RIC1: variants seen among roughly 807,000 people sequenced by gnomAD.
RIC1 encodes the protein guanine nucleotide exchange factor subunit RIC1.
In RIC1, 88 loss-of-function variants were observed where a neutral mutation model predicts 169.0. The observed-to-expected ratio is 0.52, with a 90% CI of 0.44 to 0.62. The LOEUF (loss-of-function observed/expected upper bound fraction) is 0.62. RIC1 is among the 20% of genes least tolerant of loss of function. RIC1 has a pLI of 0.00. For synonymous variants in RIC1, 790 were observed against 601.5 expected, an observed-to-expected ratio of 1.31 and a Z score of -4.59; for missense variants, 1,877 against 1,725.5, an observed-to-expected ratio of 1.09 and a Z score of -1.56.
chr9:5,731,570 A>G (rs1331375007), intron 6 of RIC1, among the ~76,000 whole-genome samples: 2 of 152,178 alleles, frequency 1.3e-5, no homozygotes, highest in Admixed American at 6.5e-5. Flanking sequence ...ACTAATGATT[A>G]TGACCTTTGC....
intron 4 of RIC1, among the ~76,000 whole-genome samples, chr9:5,719,839 T>G (rs1008658296): frequency 9.2e-5 from 14 of 152,190 alleles, no homozygotes; most frequent in African/African-American, 3.4e-4. Context: ...GTCATACTGT[T>G]ATTAGTTGGG....
chr9:5,746,152 A>T (rs550517588), intron 11 of RIC1, 69 bp downstream of exon 11: 1 of 1,239,542 alleles, frequency 8.1e-7, no homozygotes, highest in Admixed American at 1.8e-5. Context: ...TCTTTATGAC[A>T]TATGTATGGC....
chr9:5,690,111 G>T, intron 3 of RIC1, 73 bp downstream of exon 3: 1 of 1,068,882 alleles, frequency 9.4e-7, no homozygotes, highest in South Asian at 1.6e-5. Context: ...TTACAGTTTT[G>T]AGTTGTCTGT....
chr9:5,766,302 A>G (rs573145949), intron 21 of RIC1, among the ~76,000 whole-genome samples: 5 of 152,228 alleles, frequency 3.3e-5, no homozygotes, highest in Admixed American at 2.0e-4. Context: ...CTGCTTCCCA[A>G]AGGGCCGGGA....
intron 2 of RIC1, among the ~76,000 whole-genome samples, chr9:5,673,187 A>G (rs1024563040): frequency 6.6e-6 from 1 of 152,116 alleles, no homozygotes. Flanking sequence ...TATTATCTGT[A>G]TTAATATTCA....
chr9:5,715,362 A>G (rs755545402), intron 4 of RIC1, among the ~76,000 whole-genome samples: 1 of 152,166 alleles, frequency 6.6e-6, no homozygotes, highest in Non-Finnish European at 1.5e-5. Flanking sequence ...AAAAAAAACA[A>G]TTCTGCCATC....
chr9:5,770,612 G>C (rs1033438707), intron 23 of RIC1, among the ~76,000 whole-genome samples: 3 of 152,136 alleles, frequency 2.0e-5, no homozygotes, highest in African/African-American at 7.2e-5. Flanking sequence ...ATCATAATTA[G>C]ATGTGGATCA....
rs559060046 is a variant in RIC1, at chr9:5,663,088, C to A, written c.252+6398C>A. On this transcript the variant is annotated intron_variant, in intron 2 of 25. Coordinates refer to ENST00000414202, the MANE Select transcript of RIC1 (RefSeq NM_020829.4). ...ATTTCTGCCTTAATTTCATTATTTA[C>A]TCAAGTCACTCAGGAGCAGGCTGTT... is the stretch of plus-strand genomic sequence containing the variant. 5.9e-5 allele frequency among the ~76,000 whole-genome samples: 9 copies of A among 152,264 alleles called. No homozygotes were observed. The East Asian group carries it at 1.5e-3, about 26-fold the overall frequency.
chr9:5,681,326 G>A (rs1820823190), intron 2 of RIC1, among the ~76,000 whole-genome samples: 1 of 152,108 alleles, frequency 6.6e-6, no homozygotes, highest in Admixed American at 6.6e-5. Context: ...TCTACGCACT[G>A]CTTTGAATGT....
At chr9:5,737,689 C>T (rs1394793298) in intron 7 of RIC1, among the ~76,000 whole-genome samples, 1 of 151,738 alleles carries the variant, frequency 6.6e-6, no homozygotes, top group African/African-American at 2.4e-5. Flanking sequence ...GAAAAATTTA[C>T]ATATAACTTT....
intron 12 of RIC1, 134 bp downstream of exon 12, chr9:5,747,639 T>A: frequency 1.3e-6 from 1 of 755,122 alleles, no homozygotes; most frequent in Non-Finnish European, 2.2e-6. Flanking sequence ...GTCCCTCTTC[T>A]GCTTTTCTGT....
At chr9:5,753,444 T>C (rs1183542506) in intron 13 of RIC1, 92 bp from the exon 14 acceptor site, 35 of 851,602 alleles carry the variant, frequency 4.1e-5, no homozygotes, top group Non-Finnish European at 6.1e-5. Context: ...CATTTATTAA[T>C]TGTCTGTTTG....
In RIC1 at chr9:5,757,417, C is replaced by G; in HGVS notation, c.1958C>G (p.Thr653Arg). Residue 653 changes from threonine to arginine, a missense_variant, in exon 17 of 26, where the codon ACA (threonine) becomes AGA (arginine). Coordinates refer to ENST00000414202, the MANE Select transcript of RIC1 (RefSeq NM_020829.4). ...TCTGTCACTCTGACATCAGTGAGTA[C>G]AGAGAATGGAATCACCTTGAAAATG... ...VVSVTLTSVS[T>R]ENGITLKMPQ... The G allele has an allele frequency of 1.2e-6, 2 of 1,614,010 alleles. No homozygotes were observed. The highest frequency in any genetic ancestry group is 1.7e-6 in the Non-Finnish European group (2 of 1,179,934).
intron 8 of RIC1, among the ~76,000 whole-genome samples, chr9:5,740,009 C>G (rs968040974): frequency 2.6e-5 from 4 of 152,172 alleles, no homozygotes; most frequent in African/African-American, 7.2e-5. Context: ...AGATAAGACC[C>G]TCACTCAGGG....
chr9:5,708,531 G>T (rs1328462517), intron 3 of RIC1, among the ~76,000 whole-genome samples: 2 of 151,942 alleles, frequency 1.3e-5, no homozygotes, highest in African/African-American at 4.8e-5. Flanking sequence ...GTTTTTGAAG[G>T]ATAATTTTTC....
At chr9:5,680,054 T>C (rs552065946) in intron 2 of RIC1, among the ~76,000 whole-genome samples, 2,024 of 152,200 alleles carry the variant, frequency 0.013, 52 homozygotes, top group African/African-American at 0.046. Flanking sequence ...GCATGAAGGG[T>C]TGTTGAATTT....
At chr9:5,637,089 C>T (rs933973716) in intron 1 of RIC1, among the ~76,000 whole-genome samples, 1 of 152,014 alleles carries the variant, frequency 6.6e-6, no homozygotes, top group Non-Finnish European at 1.5e-5. Context: ...GACAGGGTTT[C>T]ACTTCAGTTG....
chr9:5,632,616 C>G (rs1030289032), intron 1 of RIC1, among the ~76,000 whole-genome samples: 2 of 152,044 alleles, frequency 1.3e-5, no homozygotes, highest in African/African-American at 4.8e-5. Flanking sequence ...TATGTGTAGG[C>G]TAGATTGGGG....
At chr9:5,667,957 T>C (rs1057508861) in intron 2 of RIC1, among the ~76,000 whole-genome samples, 2 of 152,208 alleles carry the variant, frequency 1.3e-5, no homozygotes, top group African/African-American at 4.8e-5. Flanking sequence ...CATGCTGCTA[T>C]AAAGAACTGC....
Sources: allele counts gnomAD v4.1 joint callset (sites outside exome capture counted in the v4.1 genomes callset), GRCh38; gene constraint gnomAD v4.1.1; transcripts MANE v1.5; gene names NCBI Gene and HGNC (gene_info 2026-07-23, HGNC 2026-07-21).